The following HGSNAT variants were observed in gnomAD, a reference collection of about 807,000 sequenced individuals.
HGSNAT encodes heparan-alpha-glucosaminide N-acetyltransferase.
Under a neutral mutation model 85.2 loss-of-function variants are expected in HGSNAT, and 59 were observed. The observed-to-expected ratio is 0.69, with a 90% CI of 0.56 to 0.86. The LOEUF (loss-of-function observed/expected upper bound fraction) is 0.86, where lower values mean the gene tolerates loss of function less well. Among genes scored for constraint, HGSNAT ranks in the 40% least tolerant of loss-of-function variants. HGSNAT has a pLI of 0.00. For missense variants in HGSNAT, 756 were observed against 777.1 expected, an observed-to-expected ratio of 0.97 and a Z score of 0.32; for synonymous variants, 321 against 304.5, an observed-to-expected ratio of 1.05 and a Z score of -0.56.
intron 1 of HGSNAT, among the ~76,000 whole-genome samples, chr8:43,143,987 A>G (rs1022024511): frequency 3.3e-5 from 5 of 152,110 alleles, no homozygotes; most frequent in African/African-American, 4.8e-5. Flanking sequence ...TTTGTAATGC[A>G]TATCAGAAGC....
intron 5 of HGSNAT, among the ~76,000 whole-genome samples, chr8:43,164,119 C>T (rs544190900): frequency 1.4e-4 from 22 of 152,260 alleles, no homozygotes; most frequent in African/African-American, 5.3e-4. Flanking sequence ...ATTAGAGATA[C>T]ATACTAAATT....
At chr8:43,190,266 T>G (rs116053959) in intron 11 of HGSNAT, among the ~76,000 whole-genome samples, 247 of 152,320 alleles carry the variant, frequency 1.6e-3, no homozygotes, top group African/African-American at 5.7e-3. Context: ...CCGACGGAAA[T>G]GTTTAAATTC....
chr8:43,164,012 C>T (rs1193966495), intron 5 of HGSNAT, among the ~76,000 whole-genome samples: 1 of 152,120 alleles, frequency 6.6e-6, no homozygotes, highest in East Asian at 1.9e-4. Flanking sequence ...AGGGAAACTG[C>T]ACTGGCTATG....
intron 5 of HGSNAT, among the ~76,000 whole-genome samples, chr8:43,166,798 TAGAC>T (rs1803450952): frequency 6.6e-6 from 1 of 152,188 alleles, no homozygotes; most frequent in Non-Finnish European, 1.5e-5. Flanking sequence ...CTGCCATACA[TAGAC>T]AGTGATTTCT....
chr8:43,175,922 G>A (rs1322493733), intron 9 of HGSNAT, among the ~76,000 whole-genome samples: 1 of 151,832 alleles, frequency 6.6e-6, no homozygotes, highest in Admixed American at 6.6e-5. Context: ...AGTTGTTTGA[G>A]CTCCTTATAT....
At chr8:43,193,555 C>T (rs1269274458) in intron 13 of HGSNAT, among the ~76,000 whole-genome samples, 5 of 152,166 alleles carry the variant, frequency 3.3e-5, no homozygotes, top group African/African-American at 1.2e-4. Flanking sequence ...GTCTCTGTTC[C>T]CTGCTGAGTG....
intron 2 of HGSNAT, among the ~76,000 whole-genome samples, chr8:43,148,774 C>T (rs1425772957): frequency 2.9e-5 from 4 of 139,288 alleles, no homozygotes; most frequent in Admixed American, 7.5e-5. Flanking sequence ...ACCTGGGCAA[C>T]AAGAGCGAAA....
chr8:43,164,178 C>T (rs564149472), intron 5 of HGSNAT, among the ~76,000 whole-genome samples: 4 of 152,104 alleles, frequency 2.6e-5, no homozygotes, highest in Non-Finnish European at 4.4e-5. Flanking sequence ...TAAAACAATC[C>T]GAGGCAGGAA....
chr8:43,198,366 C>T (rs548008863), intron 17 of HGSNAT, among the ~76,000 whole-genome samples: 38 of 146,424 alleles, frequency 2.6e-4, no homozygotes, highest in Non-Finnish European at 5.3e-4. Context: ...CGGCTCACTG[C>T]AAGCTCCGCT....
rs751390487 is a variant in HGSNAT, at chr8:43,147,083, C to G, written c.234+20C>G. The G allele has an allele frequency of 4.0e-5, 57 of 1,420,256 alleles. No individual in the cohort carries two copies. The highest frequency in any genetic ancestry group is 2.9e-6 in the Non-Finnish European group (3 of 1,018,540). 88.0% of individuals were successfully genotyped at this position (1,420,256 alleles called of 1,614,324 possible). ...TATCACGTATGTATCAGTTCACACT[C>G]AGTTCTGTTTGCTTTGGGGCTTGTT... On this transcript the variant is annotated intron_variant, in intron 2 of 17. Coordinates refer to ENST00000379644, the MANE Select transcript of HGSNAT (RefSeq NM_152419.3).
intron 5 of HGSNAT, among the ~76,000 whole-genome samples, chr8:43,166,423 C>T (rs1803437265): frequency 6.6e-6 from 1 of 152,112 alleles, no homozygotes; most frequent in Non-Finnish European, 1.5e-5. Context: ...AAGTTGAAGC[C>T]AATGCTCATT....
intron 4 of HGSNAT, among the ~76,000 whole-genome samples, chr8:43,160,316 G>A (rs114573169): frequency 1.2e-3 from 189 of 152,282 alleles, no homozygotes; most frequent in African/African-American, 4.4e-3. Flanking sequence ...AGGATATGTC[G>A]CAACCCTTAA....
At chr8:43,155,795 C>T (rs1415276154) in intron 2 of HGSNAT, among the ~76,000 whole-genome samples, 1 of 152,022 alleles carries the variant, frequency 6.6e-6, no homozygotes, top group Admixed American at 6.6e-5. Context: ...ATCCAGTTTC[C>T]CAGCACTATT....
intron 11 of HGSNAT, among the ~76,000 whole-genome samples, chr8:43,184,847 C>T (rs1334114850): frequency 6.6e-6 from 1 of 152,182 alleles, no homozygotes. Context: ...TTTCAGCTTT[C>T]TACATATGGC....
chr8:43,152,116 CCCCA>C (rs1802941035), intron 2 of HGSNAT, among the ~76,000 whole-genome samples: 1 of 152,062 alleles, frequency 6.6e-6, no homozygotes, highest in South Asian at 2.1e-4. Context: ...CATGGTGAAA[CCCCA>C]TCTCTACTAA....
chr8:43,179,230 C>T lies in HGSNAT; in HGVS notation c.1012+996C>T, dbSNP rs1229823514. ...TCACCTCCCGGATGGGGCGGCTGGC[C>T]GGGCGGGGGCTGACCCCCCCACCAC... On this transcript the variant is annotated intron_variant, in intron 10 of 17. Transcript: ENST00000379644. Among the ~76,000 whole-genome samples the T allele has an allele frequency of 6.2e-3, 936 of 150,088 alleles. 1 individual carries two copies. Among genetic ancestry groups the T allele is most frequent in the African/African-American group, 0.022 (896 of 39,844 alleles).
intron 5 of HGSNAT, among the ~76,000 whole-genome samples, chr8:43,165,486 T>C (rs1305033543): frequency 1.3e-5 from 2 of 152,216 alleles, no homozygotes; most frequent in African/African-American, 2.4e-5. Context: ...TCTCTCACTT[T>C]AAATCAAAAG....
chr8:43,140,733 G>C, intron 1 of HGSNAT, 119 bp downstream of exon 1: 1 of 353,128 alleles, frequency 2.8e-6, no homozygotes, highest in Non-Finnish European at 4.4e-6. Context: ...AACCGCCCCC[G>C]TGGCCTGGGC....
At chr8:43,182,828 C>T (rs1025949420) in intron 11 of HGSNAT, among the ~76,000 whole-genome samples, 8 of 152,186 alleles carry the variant, frequency 5.3e-5, no homozygotes. Context: ...CAATACTGTA[C>T]ATCTGCTAAT....
Sources: gnomAD v4.1 joint callset for allele counts (sites outside exome capture counted in the v4.1 genomes callset) on GRCh38, gnomAD v4.1.1 for gene constraint, MANE v1.5 for transcripts, NCBI Gene and HGNC (gene_info 2026-07-23, HGNC 2026-07-21) for gene names.